GALNS: variants seen among roughly 807,000 people sequenced by gnomAD.
GALNS encodes the protein galactosamine (N-acetyl)-6-sulfatase.
A neutral mutation model predicts 65.9 loss-of-function variants in GALNS; 65 were observed. The observed-to-expected ratio is 0.99, with a 90% CI of 0.81 to 1.21. The LOEUF (loss-of-function observed/expected upper bound fraction) is 1.21, where lower values mean the gene tolerates loss of function less well. Among genes scored for constraint, GALNS ranks in the 50% most tolerant of loss-of-function variants. The pLI is 0.00. For missense variants in GALNS, 776 were observed against 700.7 expected, an observed-to-expected ratio of 1.11 and a Z score of -1.21; for synonymous variants, 346 against 288.9, an observed-to-expected ratio of 1.20 and a Z score of -2.00.
chr16:88,841,174 C>T, intron 3 of GALNS, 80 bp from the exon 4 acceptor site: 2 of 1,080,864 alleles, frequency 1.9e-6, no homozygotes, highest in Non-Finnish European at 2.8e-6. Context: ...ACACTGGGGG[C>T]TGCGTCCACA....
intron 2 of GALNS, 50 bp downstream of exon 2, chr16:88,842,656 C>G (rs368066878): frequency 6.2e-7 from 1 of 1,603,018 alleles, no homozygotes; most frequent in Non-Finnish European, 8.5e-7. Context: ...CGGGAGGCCT[C>G]GGCCTGTTGG....
chr16:88,831,178 C>G (rs529793786), intron 9 of GALNS, among the ~76,000 whole-genome samples: 3 of 152,178 alleles, frequency 2.0e-5, no homozygotes, highest in Non-Finnish European at 4.4e-5. Context: ...CCCTACACAC[C>G]GAGAGCCACC....
intron 10 of GALNS, among the ~76,000 whole-genome samples, chr16:88,825,091 ACTGGGTATCTGGGGCGC>A (rs1390884878): frequency 1.2e-5 from 1 of 86,628 alleles, no homozygotes; most frequent in Non-Finnish European, 2.1e-5. Flanking sequence ...GGCTGGGGTG[ACTGGGTATCTGGGGCGC>A]CTGGGTGTCT....
At chr16:88,846,376 G>A (rs546359100) in intron 1 of GALNS, among the ~76,000 whole-genome samples, 1 of 152,270 alleles carries the variant, frequency 6.6e-6, no homozygotes, top group South Asian at 2.1e-4. Context: ...ACAGCCATGG[G>A]CTCCGGACGG....
intron 12 of GALNS, among the ~76,000 whole-genome samples, chr16:88,821,550 C>T (rs1418087968): frequency 2.6e-5 from 4 of 152,166 alleles, no homozygotes; most frequent in Non-Finnish European, 4.4e-5. Flanking sequence ...GAGGTGCTGC[C>T]GAGGAAGTGC....
At chr16:88,837,132 C>T (rs1371413560) in intron 5 of GALNS, among the ~76,000 whole-genome samples, 1 of 152,198 alleles carries the variant, frequency 6.6e-6, no homozygotes, top group African/African-American at 2.4e-5. Context: ...GATGAGGGTC[C>T]CGGACCCGGC....
chr16:88,850,989 T>C (rs561608394), intron 1 of GALNS, among the ~76,000 whole-genome samples: 1 of 152,290 alleles, frequency 6.6e-6, no homozygotes, highest in Non-Finnish European at 1.5e-5. Context: ...ACATGTGCCT[T>C]CTGACCAGCC....
intron 3 of GALNS, 68 bp downstream of exon 3, chr16:88,841,829 C>T: frequency 7.1e-7 from 1 of 1,405,228 alleles, no homozygotes; most frequent in Non-Finnish European, 9.9e-7. Context: ...GAGACACGGG[C>T]ACCACCCGTA....
chr16:88,839,490 G>C (rs1189122827), intron 4 of GALNS, among the ~76,000 whole-genome samples: 1 of 152,222 alleles, frequency 6.6e-6, no homozygotes, highest in Non-Finnish European at 1.5e-5. Context: ...CGGCCCTCTG[G>C]GACTCAAGTC....
chr16:88,853,454 G>A (rs967825436), intron 1 of GALNS, among the ~76,000 whole-genome samples: 2 of 152,168 alleles, frequency 1.3e-5, no homozygotes, highest in African/African-American at 2.4e-5. Flanking sequence ...GGGGCACTGA[G>A]CAACCCTCCC....
chr16:88,822,771 C>T (rs542363475), intron 11 of GALNS, 61 bp from the exon 12 acceptor site: 19 of 1,582,620 alleles, frequency 1.2e-5, no homozygotes, highest in East Asian at 2.3e-5. Context: ...TGAGGGGCCT[C>T]GTCTGCCCGT....
chr16:88,826,794 G>T lies in GALNS; in HGVS notation c.1047C>A (p.Ser349Arg). The change falls in exon 10 of 14, where the codon AGC becomes AGA. Residue 349 changes from serine to arginine, a missense_variant. Transcript: ENST00000268695. The stretch of plus-strand genomic sequence containing the variant: ...GCGGCGTCAGGCCCGCAAGGGCCAG[G>T]CTGGTGGTGAAGAGGTCCATGATGC... ...LGSIMDLFTT[S>R]LALAGLTPPS... 1 of 1,600,142 alleles carries T rather than the reference G, an allele frequency of 6.2e-7. No individual in the cohort carries two copies. Among genetic ancestry groups the T allele is most frequent in the Non-Finnish European group, 8.5e-7 (1 of 1,174,020 alleles).
chr16:88,825,366 G>A (rs1234407922), intron 10 of GALNS, among the ~76,000 whole-genome samples: 1 of 142,684 alleles, frequency 7.0e-6, no homozygotes. Context: ...GGGCAACCGG[G>A]GCTGGGGTGG....
rs374798170 is a variant in GALNS at position 88,824,771 on chromosome 16, C to T, written c.1238G>A (p.Arg413Lys). ...CCCACGTCCCGAGCCCTGTACCTGTCTGAAGTTCTCCCAGGAGTTGGTCCA... is the reference window on the plus strand; with the variant it reads ...CCCACGTCCCGAGCCCTGTACCTGTTTGAAGTTCTCCCAGGAGTTGGTCCA... ...WTWTNSWENF[R>K]QGIDFCPGQN... Residue 413 changes from arginine (R) to lysine (K), a missense_variant, in exon 11 of 14, where the codon AGA (arginine) becomes AAA (lysine). Transcript: ENST00000268695. 47 of 1,613,066 alleles carry T rather than the reference C, an allele frequency of 2.9e-5. No homozygotes were observed. The South Asian group carries it at 3.5e-4, about 12-fold the overall frequency.
intron 1 of GALNS, among the ~76,000 whole-genome samples, chr16:88,854,578 C>T (rs1247816999): frequency 6.6e-6 from 1 of 152,238 alleles, no homozygotes; most frequent in Non-Finnish European, 1.5e-5. Context: ...GTGCCCCTCC[C>T]CCAGTGTGCT....
chr16:88,830,245 AAAAAAAAAAAAC>A (rs1243757195), intron 9 of GALNS, among the ~76,000 whole-genome samples: 2 of 150,680 alleles, frequency 1.3e-5, no homozygotes, highest in African/African-American at 2.4e-5. Context: ...AAAAAAAAAA[AAAAAAAAAAAAC>A]GTGGAACAGG....
intron 1 of GALNS, among the ~76,000 whole-genome samples, chr16:88,853,395 T>G (rs897326107): frequency 5.9e-5 from 9 of 151,922 alleles, no homozygotes; most frequent in Non-Finnish European, 1.2e-4. Flanking sequence ...CTGGTTGCTA[T>G]GGGATTATTA....
intron 10 of GALNS, among the ~76,000 whole-genome samples, chr16:88,825,262 G>A (rs1475310044): frequency 2.2e-5 from 3 of 133,992 alleles, no homozygotes; most frequent in Non-Finnish European, 4.5e-5. Context: ...CAGGGCTGGG[G>A]TGCCTGGGTG....
intron 13 of GALNS, among the ~76,000 whole-genome samples, 161 bp downstream of exon 13, chr16:88,817,846 G>A (rs1037722737): frequency 1.3e-5 from 2 of 152,012 alleles, no homozygotes; most frequent in African/African-American, 4.8e-5. Context: ...CCCGAATCCC[G>A]GACGCCGCCG....
Sources: allele counts gnomAD v4.1 joint callset (sites outside exome capture counted in the v4.1 genomes callset), GRCh38; gene constraint gnomAD v4.1.1; transcripts MANE v1.5; gene names NCBI Gene and HGNC (gene_info 2026-07-23, HGNC 2026-07-21).